The following PSD3 variants were observed in gnomAD, a reference collection of about 807,000 sequenced individuals.
The protein encoded by PSD3 is PH and SEC7 domain-containing protein 3.
PSD3 carries 49 observed loss-of-function variants against 105.5 expected under a neutral mutation model. The observed-to-expected ratio is 0.46, with a 90% CI of 0.37 to 0.59. The LOEUF is 0.59. Among genes scored for constraint, PSD3 ranks in the 20% least tolerant of loss-of-function variants. The pLI, the probability that PSD3 is intolerant of heterozygous loss-of-function variation, is 0.00. For synonymous variants in PSD3, 557 were observed against 457.8 expected, an observed-to-expected ratio of 1.22 and a Z score of -2.77; for missense variants, 1,561 against 1,263.8, an observed-to-expected ratio of 1.24 and a Z score of -3.57.
At chr8:18,897,364 T>C (rs1216308942) in intron 2 of PSD3, among the ~76,000 whole-genome samples, 2 of 152,172 alleles carry the variant, frequency 1.3e-5, no homozygotes, top group Non-Finnish European at 2.9e-5. Context: ...TCTGTTCCAT[T>C]GGTCTGTGTA....
chr8:18,825,988 G>T (rs1430443782), intron 4 of PSD3, among the ~76,000 whole-genome samples: 4 of 152,194 alleles, frequency 2.6e-5, no homozygotes, highest in Non-Finnish European at 5.9e-5. Context: ...TAGAAGAGAT[G>T]AGCGTTTGAG....
chr8:18,628,200 GA>G (rs1362631476), intron 11 of PSD3, among the ~76,000 whole-genome samples: 2 of 151,654 alleles, frequency 1.3e-5, no homozygotes, highest in African/African-American at 2.4e-5. Flanking sequence ...AATAATGGCT[GA>G]AAAAAACATG....
At chr8:18,658,208 C>T (rs1809043953) in intron 9 of PSD3, among the ~76,000 whole-genome samples, 1 of 152,190 alleles carries the variant, frequency 6.6e-6, no homozygotes, top group African/African-American at 2.4e-5. Context: ...TTTTCAATTG[C>T]AAAATTGCAA....
intron 12 of PSD3, among the ~76,000 whole-genome samples, chr8:18,575,951 C>T (rs1802438126): frequency 6.6e-6 from 1 of 151,878 alleles, no homozygotes; most frequent in South Asian, 2.1e-4. Context: ...AGTTTAAGGC[C>T]TCCCTTCCTC....
chr8:19,075,293 A>G (rs1305461072), intron 1 of PSD3, among the ~76,000 whole-genome samples: 1 of 152,166 alleles, frequency 6.6e-6, no homozygotes, highest in East Asian at 1.9e-4. Flanking sequence ...TTGTAGAGAT[A>G]GTCTCTTACT....
At chr8:18,865,224 TTATATATATATATATATATATATATA>T (rs1165818221) in intron 4 of PSD3, 14 of 64,566 alleles carry the variant, frequency 2.2e-4, no homozygotes, top group Non-Finnish European at 3.9e-4. Context: ...AGATTCTATG[TTATATATATATATATATATATATATA>T]TATATATATA....
At chr8:18,787,173 T>C (rs989514616) in intron 8 of PSD3, among the ~76,000 whole-genome samples, 2 of 152,226 alleles carry the variant, frequency 1.3e-5, no homozygotes, top group Non-Finnish European at 2.9e-5. Flanking sequence ...GTTCCATTCA[T>C]TTTCTTCCCA....
intron 10 of PSD3, among the ~76,000 whole-genome samples, chr8:18,639,144 C>T (rs991917774): frequency 6.6e-6 from 1 of 152,168 alleles, no homozygotes; most frequent in African/African-American, 2.4e-5. Context: ...CCTTGCATCC[C>T]AAGAGAGGGA....
At chr8:18,821,891 C>G (rs1445151632) in intron 4 of PSD3, among the ~76,000 whole-genome samples, 2 of 151,936 alleles carry the variant, frequency 1.3e-5, no homozygotes, top group African/African-American at 2.4e-5. Flanking sequence ...CACACACACA[C>G]ACACACACAC....
chr8:18,596,066 A>G (rs1251825563), intron 12 of PSD3, among the ~76,000 whole-genome samples: 1 of 152,094 alleles, frequency 6.6e-6, no homozygotes, highest in East Asian at 1.9e-4. Context: ...TTGTCCAATC[A>G]CAAAGAAAGG....
chr8:18,659,151 C>A (rs1809129335), intron 9 of PSD3, among the ~76,000 whole-genome samples: 2 of 152,180 alleles, frequency 1.3e-5, no homozygotes, highest in South Asian at 2.1e-4. Flanking sequence ...AAGGGCAGCA[C>A]TGACCTAGCC....
At chr8:19,081,570 G>C (rs1829646731) in intron 1 of PSD3, among the ~76,000 whole-genome samples, 1 of 152,148 alleles carries the variant, frequency 6.6e-6, no homozygotes, top group Non-Finnish European at 1.5e-5. Flanking sequence ...AGAATTTCGA[G>C]ATTTTCATAA....
intron 8 of PSD3, among the ~76,000 whole-genome samples, chr8:18,790,678 C>G (rs1481708031): frequency 1.3e-5 from 2 of 151,848 alleles, no homozygotes; most frequent in Non-Finnish European, 2.9e-5. Context: ...ATTGTGGAGA[C>G]AGAAAGAGTA....
chr8:18,565,072 T>A (rs1417264146), intron 14 of PSD3, among the ~76,000 whole-genome samples: 1 of 152,034 alleles, frequency 6.6e-6, no homozygotes, highest in African/African-American at 2.4e-5. Context: ...AGTGTAGGGT[T>A]TAAGTGGGAT....
At chr8:18,652,562 A>G (rs1365179950) in intron 10 of PSD3, among the ~76,000 whole-genome samples, 2 of 145,272 alleles carry the variant, frequency 1.4e-5, no homozygotes, top group Non-Finnish European at 3.0e-5. Context: ...TAGTGGCACA[A>G]TCTCAGCTCA....
chr8:18,562,504 A>G (rs1259913641), intron 14 of PSD3, among the ~76,000 whole-genome samples: 3 of 152,166 alleles, frequency 2.0e-5, no homozygotes, highest in Non-Finnish European at 4.4e-5. Context: ...GCTCTTGGTA[A>G]ACTCCACTGC....
chr8:18,815,530 C>T (rs1340710447), intron 4 of PSD3, among the ~76,000 whole-genome samples: 5 of 152,074 alleles, frequency 3.3e-5, no homozygotes, highest in African/African-American at 1.2e-4. Context: ...AGGCTGGTCT[C>T]GAACTCCTGG....
intron 15 of PSD3, among the ~76,000 whole-genome samples, chr8:18,555,572 T>G (rs1414261662): frequency 6.6e-6 from 1 of 152,204 alleles, no homozygotes; most frequent in Non-Finnish European, 1.5e-5. Context: ...TGACATTAAT[T>G]TGGAAGAAAA....
At chr8:18,760,339 T>C (rs1274693404) in intron 9 of PSD3, among the ~76,000 whole-genome samples, 1 of 152,092 alleles carries the variant, frequency 6.6e-6, no homozygotes, top group Non-Finnish European at 1.5e-5. Context: ...CACCATGCTA[T>C]ACAACAAAGC....
Sources: allele counts gnomAD v4.1 joint callset (sites outside exome capture counted in the v4.1 genomes callset), GRCh38; gene constraint gnomAD v4.1.1; transcripts MANE v1.5; gene names NCBI Gene and HGNC (gene_info 2026-07-23, HGNC 2026-07-21).